The following FAM72C variants were observed in gnomAD, a reference collection of about 807,000 sequenced individuals.
The protein encoded by FAM72C is protein FAM72C.
In FAM72C, 1 loss-of-function variant was observed where a neutral mutation model predicts 5.2. That is an observed-to-expected ratio of 0.19 (90% confidence interval 0.07 to 0.91). The LOEUF is 0.91. Ranked by LOEUF, FAM72C falls within the 40% of genes least tolerant of loss-of-function variation. The pLI, the probability that FAM72C is intolerant of heterozygous loss-of-function variation, is 0.66. For synonymous variants in FAM72C, 1 was observed against 21.8 expected (o/e 0.05, Z 2.66); for missense variants, 4 against 66.0 (o/e 0.06, Z 3.25).
intron 2 of FAM72C, among the ~76,000 whole-genome samples, chr1:143,967,009 C>T (rs1403790264): frequency 6.9e-6 from 1 of 143,996 alleles, no homozygotes; most frequent in Non-Finnish European, 1.5e-5. Flanking sequence ...GCCTGGGCAA[C>T]TGAGCAAGAC....
chr1:143,967,638 T>A (rs2101708951), intron 2 of FAM72C, among the ~76,000 whole-genome samples: 1 of 120,424 alleles, frequency 8.3e-6, no homozygotes, highest in Non-Finnish European at 1.8e-5. Context: ...AAATAGCACA[T>A]AAGAAGAGCT....
intron 2 of FAM72C, among the ~76,000 whole-genome samples, chr1:143,966,897 A>G (rs1363959719): frequency 3.6e-5 from 5 of 139,990 alleles, no homozygotes; most frequent in South Asian, 2.4e-4. Flanking sequence ...GCATGGTGGC[A>G]CGTGCCTGTA....
intron 2 of FAM72C, among the ~76,000 whole-genome samples, chr1:143,965,970 G>A (rs1448869348): frequency 9.4e-6 from 1 of 106,090 alleles, no homozygotes; most frequent in Non-Finnish European, 2.0e-5. Flanking sequence ...GAATGTTTTA[G>A]CTAGTACTTT....
intron 3 of FAM72C, among the ~76,000 whole-genome samples, chr1:143,960,739 A>G (rs1213147285): frequency 1.4e-5 from 2 of 143,402 alleles, no homozygotes; most frequent in Non-Finnish European, 3.1e-5. Context: ...AAAAAAAAAA[A>G]GAATTAGTAT....
intron 3 of FAM72C, among the ~76,000 whole-genome samples, chr1:143,960,604 C>T (rs1436069505): frequency 7.5e-6 from 1 of 133,728 alleles, no homozygotes; most frequent in East Asian, 2.3e-4. Context: ...TGCCTGTAAT[C>T]TCGCTACTCG....
intron 2 of FAM72C, among the ~76,000 whole-genome samples, chr1:143,967,376 G>A: frequency 6.9e-6 from 1 of 144,378 alleles, no homozygotes; most frequent in Middle Eastern, 3.5e-3. Flanking sequence ...TACTCAGGAG[G>A]CTGAGGCAGG....
intron 3 of FAM72C, among the ~76,000 whole-genome samples, chr1:143,960,783 G>T (rs1373598109): frequency 5.5e-5 from 7 of 127,996 alleles, no homozygotes; most frequent in South Asian, 2.7e-4. Flanking sequence ...CAAGGAAAAA[G>T]AATTTTTTTT....
rs1487767420 is a variant in FAM72C at position 143,971,311 on chromosome 1, TAGA to T, written c.-173_-171del. The T allele has an allele frequency of 1.8e-4, 26 of 147,398 alleles. 2 individuals are homozygous for T. Among genetic ancestry groups the T allele is most frequent in the East Asian group, 1.2e-3 (6 of 5,010 alleles). 9.1% of individuals were successfully genotyped at this position (147,398 alleles called of 1,614,324 possible). A position where few individuals can be genotyped will look rare whatever the true frequency, so the allele number is the denominator to read the frequency against. On this transcript the variant is annotated 5_prime_UTR_variant, in exon 1 of 4. Coordinates refer to ENST00000584486, the MANE Select transcript of FAM72C (RefSeq NM_001287385.2). ...TTTTTCTGTTTTCCCGGTGGCGGAG[TAGA>T]AGAAGTATTTATTGAGTAGGAACAG...
rs1161828740 is a variant in FAM72C, at chr1:143,967,349, G to A, written c.230+1575C>T. ...AAAAATTAGCTGGGCATGGTGGTGC[G>A]TGCCTGTAGTCTCAGCTACTCAGGA... On this transcript the variant is annotated intron_variant, in intron 2 of 3. Coordinates refer to ENST00000584486, the MANE Select transcript of FAM72C (RefSeq NM_001287385.2). Among the ~76,000 whole-genome samples, 73 of 144,608 alleles carry A rather than the reference G, an allele frequency of 5.0e-4. 1 individual carries two copies. The South Asian group carries it at 5.8e-3, about 12-fold the overall frequency. 94.9% of individuals were successfully genotyped at this position (144,608 alleles called of 152,430 possible). A position where few individuals can be genotyped will look rare whatever the true frequency, so the allele number is the denominator to read the frequency against.
rs1244165720 is a variant in FAM72C, at chr1:143,955,497, T to A, written c.*890A>T. ...ATAAAACCAGAATCCAACACTACCC[T>A]ACTTTCCTATTCCTTTGTGGCTCTG... On this transcript the variant is annotated 3_prime_UTR_variant, in exon 4 of 4. Coordinates refer to ENST00000584486, the MANE Select transcript of FAM72C (RefSeq NM_001287385.2). 2 of 142,938 alleles carry A rather than the reference T, an allele frequency of 1.4e-5. 1 individual carries two copies. Among genetic ancestry groups the A allele is most frequent in the African/African-American group, 5.3e-5 (2 of 38,080 alleles). The allele number at this position is 142,938 out of a possible 1,614,324, so 8.9% of individuals were successfully genotyped here. A position where few individuals can be genotyped will look rare whatever the true frequency, so the allele number is the denominator to read the frequency against.
At position 143,965,488 on chromosome 1, in the gene FAM72C, G is replaced by A. The variant is rs1386619754; in HGVS notation, c.231-509C>T. Reference sequence around the variant, plus strand: ...TGGGATTACAGGCATGAGCCACCATGCTTGTCCTGCTAGTATTATTTTATG... The same window carrying A: ...TGGGATTACAGGCATGAGCCACCATACTTGTCCTGCTAGTATTATTTTATG... On this transcript the variant is annotated intron_variant, in intron 2 of 3. Transcript: ENST00000584486. Among the ~76,000 whole-genome samples the A allele has an allele frequency of 1.9e-5, 2 of 106,606 alleles. 1 individual carries two copies. Among genetic ancestry groups the A allele is most frequent in the Non-Finnish European group, 3.9e-5 (2 of 50,918 alleles). The allele number at this position is 106,606 out of a possible 152,430, so 69.9% of individuals were successfully genotyped here.
intron 2 of FAM72C, among the ~76,000 whole-genome samples, chr1:143,965,230 ATTG>A (rs1264564997): frequency 3.9e-5 from 4 of 102,582 alleles, no homozygotes; most frequent in African/African-American, 1.1e-4. Flanking sequence ...TATTATTATT[ATTG>A]AGACCGAGTT....
intron 2 of FAM72C, among the ~76,000 whole-genome samples, chr1:143,965,981 A>T (rs1235560213): frequency 2.7e-5 from 3 of 111,124 alleles, no homozygotes; most frequent in South Asian, 3.5e-4. Context: ...CTAGTACTTT[A>T]AAAAAAATAG....
In FAM72C at chr1:143,971,385, AGTGGAGTTTGAATTGGAGAGGAGGCAG is replaced by A. The variant is rs1365332626; in HGVS notation, c.-271_-245del. On this transcript the variant is annotated 5_prime_UTR_variant, in exon 1 of 4. Coordinates refer to ENST00000584486, the MANE Select transcript of FAM72C (RefSeq NM_001287385.2). The stretch of plus-strand genomic sequence containing the variant: ...TTTCCTTTTAACTTTTGGAGAAGGG[AGTGGAGTTTGAATTGGAGAGGAGGCAG>A]GTGGAGTTTGAAGGGAACTTCTCAA... 45 of 190,856 alleles carry A rather than the reference AGTGGAGTTTGAATTGGAGAGGAGGCAG, an allele frequency of 2.4e-4. 1 individual carries two copies. In the East Asian group the frequency reaches 3.9e-3, roughly 16 times the overall value. The allele number at this position is 190,856 out of a possible 1,614,324, so 11.8% of individuals were successfully genotyped here.
At chr1:143,965,383 A>T (rs1661747803) in intron 2 of FAM72C, among the ~76,000 whole-genome samples, 2 of 97,726 alleles carry the variant, frequency 2.0e-5, no homozygotes, top group Admixed American at 1.0e-4. Flanking sequence ...ATTAGTAGAG[A>T]TGGGGTTTTA....
intron 2 of FAM72C, among the ~76,000 whole-genome samples, chr1:143,965,812 A>T (rs1661758001): frequency 1.1e-5 from 1 of 93,234 alleles, no homozygotes; most frequent in Non-Finnish European, 2.2e-5. Flanking sequence ...ACTCAGAAAT[A>T]AAGCAATCTA....
rs1229954392 is a variant in FAM72C, at chr1:143,966,738, ATGT to A, written c.231-1762_231-1760del. Among the ~76,000 whole-genome samples the A allele has an allele frequency of 4.1e-5, 6 of 146,038 alleles. 1 individual carries two copies. The highest frequency in any genetic ancestry group is 1.5e-4 in the African/African-American group (6 of 39,380). On this transcript the variant is annotated intron_variant, in intron 2 of 3. Coordinates refer to ENST00000584486, the MANE Select transcript of FAM72C (RefSeq NM_001287385.2). The stretch of plus-strand genomic sequence containing the variant: ...TTCCTGTTTTGGTTTTCTTTTGAAA[ATGT>A]TGTTCTTCAGGTGCGGTGGCTCATG...
At chr1:143,960,707 G>T (rs1369423803) in intron 3 of FAM72C, among the ~76,000 whole-genome samples, 2 of 113,748 alleles carry the variant, frequency 1.8e-5, no homozygotes, top group South Asian at 6.4e-4. Context: ...GGAAACAAGA[G>T]TGAAACTCTG....
rs1192925874 is a variant in FAM72C, at chr1:143,967,224, T to G, written c.230+1700A>C. Among the ~76,000 whole-genome samples, 35 of 145,534 alleles carry G rather than the reference T, an allele frequency of 2.4e-4. 4 individuals carry two copies. Among genetic ancestry groups the G allele is most frequent in the Non-Finnish European group, 1.1e-4 (7 of 65,746 alleles). ...TGGGTGCGGTGGCTCACGCCTGTAA[T>G]CCTAGCACTTAGGGAGGCCAAGGCA... On this transcript the variant is annotated intron_variant, in intron 2 of 3. Transcript: ENST00000584486.
Sources: gnomAD v4.1 joint callset for allele counts (sites outside exome capture counted in the v4.1 genomes callset) on GRCh38, gnomAD v4.1.1 for gene constraint, MANE v1.5 for transcripts, NCBI Gene and HGNC (gene_info 2026-07-23, HGNC 2026-07-21) for gene names.